ENOX2: variants seen among roughly 807,000 people sequenced by gnomAD.
The protein encoded by ENOX2 is ecto-NOX disulfide-thiol exchanger 2, also known as APK1 antigen.
Under a neutral mutation model 45.0 loss-of-function variants are expected in ENOX2, and 36 were observed. The observed-to-expected ratio is 0.80, with a 90% CI of 0.61 to 1.06. The LOEUF is 1.06. ENOX2 is among the 50% of genes least tolerant of loss of function. The probability of loss-of-function intolerance (pLI) is 0.00; values close to 1 mark genes in which losing one functional copy is unlikely to be tolerated. For synonymous variants in ENOX2, 174 were observed against 152.3 expected, an observed-to-expected ratio of 1.14 and a Z score of -1.05; for missense variants, 423 against 462.5, an observed-to-expected ratio of 0.91 and a Z score of 0.78.
chrX:130,900,904 C>T (rs1404389459), intron 2 of ENOX2, among the ~76,000 whole-genome samples: 1 of 112,216 alleles, frequency 8.9e-6, no homozygotes, highest in East Asian at 2.8e-4. Context: ...CAACACTTCA[C>T]GTGGGCAGAG....
intron 4 of ENOX2, among the ~76,000 whole-genome samples, chrX:130,697,036 T>G (rs748677886): frequency 6.5e-4 from 73 of 111,562 alleles, no homozygotes; most frequent in Non-Finnish European, 1.3e-3. Flanking sequence ...ATTGTATTTT[T>G]TCATATACTG....
At chrX:130,774,111 G>A (rs2039800760) in intron 3 of ENOX2, among the ~76,000 whole-genome samples, 1 of 112,110 alleles carries the variant, frequency 8.9e-6, no homozygotes, top group South Asian at 3.8e-4. Context: ...CTCTGTTACT[G>A]TCACTTCTGT....
At chrX:130,752,811 T>G (rs1380418544) in intron 3 of ENOX2, among the ~76,000 whole-genome samples, 2 of 111,106 alleles carry the variant, frequency 1.8e-5, no homozygotes, top group African/African-American at 3.3e-5. Context: ...TCACTGACTC[T>G]CTTTCTCTCG....
chrX:130,702,831 C>T (rs182396765), intron 4 of ENOX2, among the ~76,000 whole-genome samples: 297 of 111,731 alleles, frequency 2.7e-3, no homozygotes, highest in Non-Finnish European at 4.2e-3. Flanking sequence ...AAATTACACA[C>T]GCTTTGTAAT....
At chrX:130,696,446 A>G (rs2037764494) in intron 4 of ENOX2, among the ~76,000 whole-genome samples, 1 of 111,398 alleles carries the variant, frequency 9.0e-6, no homozygotes, top group Admixed American at 9.5e-5. Context: ...ACCCATATTT[A>G]AGGTCACCAG....
intron 2 of ENOX2, among the ~76,000 whole-genome samples, chrX:130,856,794 T>C (rs2078314266): frequency 9.0e-6 from 1 of 111,704 alleles, no homozygotes; most frequent in Non-Finnish European, 1.9e-5. Flanking sequence ...ATTTAAATCA[T>C]ATAGAACATC....
At chrX:130,885,405 C>A (rs1338408664) in intron 2 of ENOX2, among the ~76,000 whole-genome samples, 1 of 111,744 alleles carries the variant, frequency 8.9e-6, no homozygotes, top group Non-Finnish European at 1.9e-5. Flanking sequence ...GAGATCATAT[C>A]ACTGACCTCA....
At chrX:130,849,437 T>G (rs2078170114) in intron 2 of ENOX2, among the ~76,000 whole-genome samples, 2 of 112,146 alleles carry the variant, frequency 1.8e-5, no homozygotes, top group South Asian at 7.4e-4. Flanking sequence ...TCTGGAAAGA[T>G]AAACAATCAA....
intron 10 of ENOX2, among the ~76,000 whole-genome samples, chrX:130,639,018 C>A (rs2036011745): frequency 9.1e-6 from 1 of 110,364 alleles, no homozygotes; most frequent in Non-Finnish European, 1.9e-5. Flanking sequence ...AAACAAAACT[C>A]CAGGAAGACC....
At chrX:130,843,600 C>T (rs2078050445) in intron 2 of ENOX2, among the ~76,000 whole-genome samples, 1 of 111,381 alleles carries the variant, frequency 9.0e-6, no homozygotes, top group African/African-American at 3.3e-5. Flanking sequence ...TGCTCAACAA[C>T]CCCTTTAACC....
At chrX:130,666,079 T>C (rs1451640789) in intron 8 of ENOX2, among the ~76,000 whole-genome samples, 1 of 111,349 alleles carries the variant, frequency 9.0e-6, no homozygotes, top group Non-Finnish European at 1.9e-5. Flanking sequence ...AATGCACTTT[T>C]ATTTAGTACT....
chrX:130,716,556 C>G (rs1188095068), intron 3 of ENOX2, among the ~76,000 whole-genome samples: 3 of 111,876 alleles, frequency 2.7e-5, no homozygotes, highest in African/African-American at 9.8e-5. Context: ...GGAGAAGAAC[C>G]TGCTCTTCAC....
At chrX:130,794,678 TGA>T (rs2077092190) in intron 2 of ENOX2, among the ~76,000 whole-genome samples, 1 of 112,715 alleles carries the variant, frequency 8.9e-6, no homozygotes, top group African/African-American at 3.2e-5. Context: ...AAGGAGAAAG[TGA>T]GAGCTGGTCT....
At chrX:130,642,814 G>T (rs1268272464) in intron 10 of ENOX2, among the ~76,000 whole-genome samples, 1 of 112,368 alleles carries the variant, frequency 8.9e-6, no homozygotes, top group Non-Finnish European at 1.9e-5. Flanking sequence ...ATTAAGGTAT[G>T]TAAATTGTTT....
intron 3 of ENOX2, among the ~76,000 whole-genome samples, chrX:130,720,042 C>A (rs1483848133): frequency 8.9e-6 from 1 of 111,932 alleles, no homozygotes; most frequent in Non-Finnish European, 1.9e-5. Context: ...TAACAATCAC[C>A]ACCTGACAAT....
chrX:130,887,777 T>C (rs1382725396), intron 2 of ENOX2, among the ~76,000 whole-genome samples: 1 of 111,668 alleles, frequency 9.0e-6, no homozygotes, highest in African/African-American at 3.3e-5. Context: ...ATCAGAACTT[T>C]ACGATTTGCA....
intron 2 of ENOX2, among the ~76,000 whole-genome samples, chrX:130,805,674 A>G (rs748726329): frequency 9.0e-6 from 1 of 111,569 alleles, no homozygotes; most frequent in African/African-American, 3.3e-5. Context: ...ACATTTTACA[A>G]TGGTCCTCTC....
At chrX:130,666,838 T>C (rs1406049498) in intron 8 of ENOX2, among the ~76,000 whole-genome samples, 1 of 112,047 alleles carries the variant, frequency 8.9e-6, no homozygotes, top group Non-Finnish European at 1.9e-5. Flanking sequence ...TATACCCTTA[T>C]TCTTAAGGTG....
chrX:130,891,008 A>G (rs1227841931), intron 2 of ENOX2, among the ~76,000 whole-genome samples: 1 of 111,470 alleles, frequency 9.0e-6, no homozygotes, highest in Non-Finnish European at 1.9e-5. Context: ...GAGATGGACC[A>G]CCCCAACTCT....
Sources: gnomAD v4.1 joint callset for allele counts (sites outside exome capture counted in the v4.1 genomes callset) on GRCh38, gnomAD v4.1.1 for gene constraint, MANE v1.5 for transcripts, NCBI Gene and HGNC (gene_info 2026-07-23, HGNC 2026-07-21) for gene names.